JAZF1: variants seen among roughly 807,000 people sequenced by gnomAD.
JAZF1 encodes juxtaposed with another zinc finger protein 1.
In JAZF1, 8 loss-of-function variants were observed where a neutral mutation model predicts 26.4. That is an observed-to-expected ratio of 0.30 (90% CI 0.18 to 0.55). JAZF1 has a LOEUF of 0.55. JAZF1 is among the 20% of genes least tolerant of loss of function. The probability of loss-of-function intolerance (pLI) is 0.94; values close to 1 mark genes in which losing one functional copy is unlikely to be tolerated. For synonymous variants in JAZF1, 126 were observed against 122.3 expected, an observed-to-expected ratio of 1.03 and a Z score of -0.20; for missense variants, 199 against 322.0, an observed-to-expected ratio of 0.62 and a Z score of 2.92.
At chr7:28,130,818 G>A (rs773102277) in intron 1 of JAZF1, among the ~76,000 whole-genome samples, 3 of 152,056 alleles carry the variant, frequency 2.0e-5, no homozygotes, top group Non-Finnish European at 4.4e-5. Context: ...ACAATATTCC[G>A]CAACTTCCTG....
chr7:27,881,352 G>C (rs80073940), intron 3 of JAZF1, among the ~76,000 whole-genome samples: 1,814 of 152,220 alleles, frequency 0.012, 34 homozygotes, highest in African/African-American at 0.039. Context: ...CATTTGTCAA[G>C]TTTTGTTAGT....
chr7:27,973,149 T>C, intron 2 of JAZF1, among the ~76,000 whole-genome samples: 1 of 152,142 alleles, frequency 6.6e-6, no homozygotes, highest in African/African-American at 2.4e-5. Flanking sequence ...AGAGAAGCTA[T>C]TAATCTTAAA....
chr7:28,154,710 T>G (rs1255110500), intron 1 of JAZF1, among the ~76,000 whole-genome samples: 1 of 152,144 alleles, frequency 6.6e-6, no homozygotes, highest in Non-Finnish European at 1.5e-5. Context: ...TAATTATTTA[T>G]GATTCCCTAT....
chr7:28,115,494 CA>C (rs1784727420), intron 1 of JAZF1, among the ~76,000 whole-genome samples: 1 of 152,142 alleles, frequency 6.6e-6, no homozygotes, highest in African/African-American at 2.4e-5. Context: ...TAAACCACTA[CA>C]GCTAATACAA....
At chr7:28,152,155 AAAC>A (rs1040560371) in intron 1 of JAZF1, among the ~76,000 whole-genome samples, 2 of 152,314 alleles carry the variant, frequency 1.3e-5, no homozygotes, top group South Asian at 2.1e-4. Context: ...CTCTTATATA[AAAC>A]AACAACAACT....
chr7:28,007,283 C>T (rs1648036725), intron 1 of JAZF1, among the ~76,000 whole-genome samples: 1 of 152,170 alleles, frequency 6.6e-6, no homozygotes, highest in South Asian at 2.1e-4. Context: ...GTCTGGCCAA[C>T]ATGATGAAAC....
intron 1 of JAZF1, among the ~76,000 whole-genome samples, chr7:28,022,605 C>T (rs187396775): frequency 2.0e-4 from 30 of 152,316 alleles, no homozygotes; most frequent in Admixed American, 2.0e-3. Flanking sequence ...CCATAATCAA[C>T]TATCCAAACA....
intron 1 of JAZF1, among the ~76,000 whole-genome samples, chr7:28,105,444 T>A (rs1219629815): frequency 6.6e-6 from 1 of 152,208 alleles, no homozygotes; most frequent in Admixed American, 6.5e-5. Context: ...TTCGAGTGGA[T>A]AAAACTGCAC....
At position 28,180,595 on chromosome 7, in the gene JAZF1, C is replaced by T; in HGVS notation, c.-18G>A. 6.3e-7 allele frequency: 1 copy of T among 1,596,032 alleles called. No individual in the cohort carries two copies. The highest frequency in any genetic ancestry group is 2.3e-5 in the East Asian group (1 of 43,858). ...CCTGTCATGGTGCTACATCGAGAGCCCCCCTGGTGTCGGCTCTGCGAGCGC... is the reference window on the plus strand; with the variant it reads ...CCTGTCATGGTGCTACATCGAGAGCTCCCCTGGTGTCGGCTCTGCGAGCGC... On this transcript the variant is annotated 5_prime_UTR_variant, in exon 1 of 5. Transcript: ENST00000283928.
intron 3 of JAZF1, among the ~76,000 whole-genome samples, chr7:27,849,968 A>G (rs1048561098): frequency 3.3e-5 from 5 of 152,166 alleles, no homozygotes; most frequent in Non-Finnish European, 7.3e-5. Context: ...ATTCTGTTTT[A>G]CTACCTAAAG....
At chr7:28,115,632 A>T (rs1784729716) in intron 1 of JAZF1, among the ~76,000 whole-genome samples, 2 of 152,326 alleles carry the variant, frequency 1.3e-5, no homozygotes, top group South Asian at 4.1e-4. Context: ...CATGTAACTT[A>T]TTTTTTGTTT....
At chr7:27,950,015 T>C (rs1784983619) in intron 2 of JAZF1, among the ~76,000 whole-genome samples, 1 of 152,204 alleles carries the variant, frequency 6.6e-6, no homozygotes, top group Admixed American at 6.5e-5. Flanking sequence ...AGAGATAACT[T>C]ACCTGCTTTT....
chr7:28,085,166 C>T (rs1341948740), intron 1 of JAZF1, among the ~76,000 whole-genome samples: 1 of 152,194 alleles, frequency 6.6e-6, no homozygotes, highest in East Asian at 1.9e-4. Flanking sequence ...ACTATATTTT[C>T]CAAGGCTTGC....
chr7:27,965,908 T>A lies in JAZF1; in HGVS notation c.188+26001A>T, dbSNP rs887413734. Among the ~76,000 whole-genome samples the A allele has an allele frequency of 1.1e-4, 17 of 152,172 alleles. 1 individual carries two copies. The highest frequency in any genetic ancestry group is 4.1e-4 in the African/African-American group (17 of 41,450). On this transcript the variant is annotated intron_variant, in intron 2 of 4. Transcript: ENST00000283928. ...ATACGACTACATGAATAAAAACACA[T>A]GAGCAATGCAACCACTGCATATACA... is the stretch of plus-strand genomic sequence containing the variant.
chr7:28,089,547 C>T (rs1784261767), intron 1 of JAZF1, among the ~76,000 whole-genome samples: 2 of 152,182 alleles, frequency 1.3e-5, no homozygotes, highest in African/African-American at 2.4e-5. Context: ...CTGGAAGGTA[C>T]ATGCTAGAAA....
At chr7:27,868,368 C>A (rs1783517447) in intron 3 of JAZF1, among the ~76,000 whole-genome samples, 1 of 152,226 alleles carries the variant, frequency 6.6e-6, no homozygotes, top group South Asian at 2.1e-4. Context: ...CCGGTCCTCA[C>A]CGCAACTCCC....
intron 1 of JAZF1, among the ~76,000 whole-genome samples, chr7:28,034,469 T>TAC (rs59979673): frequency 0.13 from 18,819 of 145,226 alleles, 1,320 homozygotes; most frequent in African/African-American, 0.19. Context: ...AGAAAACTAA[T>TAC]ACACACACAC....
intron 1 of JAZF1, among the ~76,000 whole-genome samples, chr7:28,162,574 G>GC (rs1783310567): frequency 1.3e-5 from 2 of 152,220 alleles, no homozygotes; most frequent in African/African-American, 4.8e-5. Context: ...AAGCTAAATG[G>GC]TAAGATCATG....
intron 1 of JAZF1, among the ~76,000 whole-genome samples, chr7:28,075,947 A>AT (rs1037625840): frequency 9.2e-5 from 14 of 152,200 alleles, no homozygotes; most frequent in East Asian, 3.9e-4. Flanking sequence ...TATTCAGAGC[A>AT]TTTTTTTTCT....
Sources: gnomAD v4.1 joint callset for allele counts (sites outside exome capture counted in the v4.1 genomes callset) on GRCh38, gnomAD v4.1.1 for gene constraint, MANE v1.5 for transcripts, NCBI Gene and HGNC (gene_info 2026-07-23, HGNC 2026-07-21) for gene names.